Variants in TMCO4 observed in about 807,000 individuals in gnomAD.
TMCO4 encodes the protein transmembrane and coiled-coil domain-containing protein 4.
A neutral mutation model predicts 64.7 loss-of-function variants in TMCO4; 58 were observed. The observed-to-expected ratio is 0.90, with a 90% CI of 0.73 to 1.12. The LOEUF (loss-of-function observed/expected upper bound fraction) is 1.12. Among genes scored for constraint, TMCO4 ranks in the 50% most tolerant of loss-of-function variants. The pLI, the probability that TMCO4 is intolerant of heterozygous loss-of-function variation, is 0.00. For missense variants in TMCO4, 780 were observed against 825.9 expected (o/e 0.94, Z 0.68); for synonymous variants, 325 against 346.1 (o/e 0.94, Z 0.68).
chr1:19,741,652 CTT>C (rs2095479626), intron 10 of TMCO4, among the ~76,000 whole-genome samples: 1 of 152,146 alleles, frequency 6.6e-6, no homozygotes, highest in South Asian at 2.1e-4. Flanking sequence ...ACCTGGCTGC[CTT>C]CAGTATAGGA....
chr1:19,714,085 C>T (rs1180616791), intron 13 of TMCO4, among the ~76,000 whole-genome samples: 1 of 151,146 alleles, frequency 6.6e-6, no homozygotes, highest in Non-Finnish European at 1.5e-5. Context: ...TACAGGCATA[C>T]ACCACCACAT....
At chr1:19,724,005 C>T (rs1373268293) in intron 13 of TMCO4, among the ~76,000 whole-genome samples, 2 of 152,126 alleles carry the variant, frequency 1.3e-5, no homozygotes, top group Admixed American at 6.5e-5. Flanking sequence ...GTCAAGGGTG[C>T]CTGCATTCCC....
intron 7 of TMCO4, among the ~76,000 whole-genome samples, chr1:19,754,384 G>C (rs2042153061): frequency 6.6e-6 from 1 of 152,126 alleles, no homozygotes. Flanking sequence ...ACACAACTCT[G>C]GGAGTCAAAG....
chr1:19,724,095 T>A (rs902231004), intron 13 of TMCO4, among the ~76,000 whole-genome samples: 24 of 152,166 alleles, frequency 1.6e-4, no homozygotes, highest in African/African-American at 5.8e-4. Context: ...CGGCCTTTAG[T>A]TTAGATTAAA....
chr1:19,782,048 A>G (rs2043518147), intron 3 of TMCO4, among the ~76,000 whole-genome samples: 1 of 152,198 alleles, frequency 6.6e-6, no homozygotes, highest in South Asian at 2.1e-4. Context: ...TGTCTTCCCT[A>G]TGCTCTGGCA....
chr1:19,697,906 G>A (rs978123144), intron 14 of TMCO4, among the ~76,000 whole-genome samples: 7 of 151,968 alleles, frequency 4.6e-5, no homozygotes, highest in East Asian at 1.9e-4. Flanking sequence ...GAGCCACTGC[G>A]CCTGTCCTCC....
At chr1:19,740,331 C>A (rs1345870807) in intron 11 of TMCO4, among the ~76,000 whole-genome samples, 2 of 152,176 alleles carry the variant, frequency 1.3e-5, no homozygotes, top group Non-Finnish European at 2.9e-5. Flanking sequence ...TGGATTTGTG[C>A]ACCAGGGCTA....
chr1:19,703,969 A>G, intron 13 of TMCO4, among the ~76,000 whole-genome samples: 1 of 152,190 alleles, frequency 6.6e-6, no homozygotes, highest in South Asian at 2.1e-4. Context: ...GCTGAGCGAC[A>G]CAGGACAGAC....
At chr1:19,717,760 G>C (rs2095363307) in intron 13 of TMCO4, among the ~76,000 whole-genome samples, 2 of 152,162 alleles carry the variant, frequency 1.3e-5, no homozygotes, top group South Asian at 2.1e-4. Context: ...GGAAGGAAAG[G>C]CTCCTCCTTT....
At chr1:19,773,689 T>G (rs1245262287) in intron 4 of TMCO4, among the ~76,000 whole-genome samples, 1 of 152,144 alleles carries the variant, frequency 6.6e-6, no homozygotes, top group African/African-American at 2.4e-5. Context: ...AGTGTCCTTA[T>G]CTGCAAAATG....
Position 19,683,162 on chromosome 1 carries a change from A to T in TMCO4, c.1783T>A (p.Ser595Thr). Residue 595 changes from serine (S) to threonine (T), a missense_variant, in exon 16 of 16, where the codon TCC becomes ACC. Ser to Thr is a moderately conservative substitution (Grantham distance 58, BLOSUM62 1). Coordinates refer to ENST00000294543, the MANE Select transcript of TMCO4 (RefSeq NM_181719.7). The stretch of plus-strand genomic sequence containing the variant: ...TCAGGGCTGGCAGCAGCAGGAAGGG[A>T]GGCCCCTTCAGACTGGTCCAGCCCT... ...PVGLDQSEGA[S>T]LPAAASPERP... 1 of 1,614,136 alleles carries T rather than the reference A, an allele frequency of 6.2e-7. No homozygotes were observed. Among genetic ancestry groups the T allele is most frequent in the South Asian group, 1.1e-5 (1 of 91,086 alleles).
chr1:19,722,425 T>C (rs1317787798), intron 13 of TMCO4, among the ~76,000 whole-genome samples: 2 of 152,244 alleles, frequency 1.3e-5, no homozygotes, highest in African/African-American at 4.8e-5. Context: ...TGCCAGGCTC[T>C]GTGCTAAGAG....
chr1:19,746,550 C>T lies in TMCO4; in HGVS notation c.663G>A (p.Thr221=), dbSNP rs1288999576. The change falls in exon 9 of 16, where the codon ACG becomes ACA. Residue 221 remains threonine (T), a synonymous_variant. Transcript: ENST00000294543. The part of the protein sequence containing the change: ...AAPLVAAGAA[T]IIGSAGAAAL... ...CCGCTGCCCCGGCGCTGCCAATAAT[C>T]GTCGCTGCTCCAGCGGCAACAAGGG... The T allele has an allele frequency of 6.2e-6, 10 of 1,611,152 alleles. No homozygotes were observed. The highest frequency in any genetic ancestry group is 2.7e-5 in the African/African-American group (2 of 74,914).
At chr1:19,783,095 G>A (rs1441191259) in intron 3 of TMCO4, among the ~76,000 whole-genome samples, 1 of 152,230 alleles carries the variant, frequency 6.6e-6, no homozygotes, top group Admixed American at 6.5e-5. Flanking sequence ...TTGGCATGGT[G>A]CCTGGCACAT....
intron 10 of TMCO4, 76 bp downstream of exon 10, chr1:19,745,456 G>A: frequency 6.2e-7 from 1 of 1,604,214 alleles, no homozygotes; most frequent in Non-Finnish European, 8.5e-7. Context: ...CCTAGTGCAG[G>A]TAAAAACCTA....
At chr1:19,778,318 G>C (rs572355544) in intron 4 of TMCO4, among the ~76,000 whole-genome samples, 4 of 151,900 alleles carry the variant, frequency 2.6e-5, no homozygotes, top group Admixed American at 2.6e-4. Context: ...CTGTTGCCCA[G>C]GCTGGAGTGC....
chr1:19,691,814 T>G (rs2095197147), intron 15 of TMCO4, among the ~76,000 whole-genome samples: 1 of 152,222 alleles, frequency 6.6e-6, no homozygotes. Context: ...TCCTATGTGT[T>G]GTGGGAGGGA....
chr1:19,700,804 T>A lies in TMCO4; in HGVS notation c.1346A>T (p.Lys449Met), dbSNP rs554202425. 1.2e-6 allele frequency: 2 copies of A among 1,614,234 alleles called. No homozygotes were observed. The highest frequency in any genetic ancestry group is 4.5e-5 in the East Asian group (2 of 44,886). The change falls in exon 14 of 16, where the codon AAG becomes ATG. Residue 449 changes from lysine to methionine, a missense_variant. Lys to Met is a moderately conservative substitution (Grantham distance 95). Transcript: ENST00000294543. Reference protein sequence around the residue: ...GEAKHWEPFRKVVSGRIINGY... With the variant: ...GEAKHWEPFRMVVSGRIINGY... ...GTTGATGATCCTCCCGGACACCACC[T>A]TCCGGAAAGGCTCCCAATGCTTGGC... is the stretch of plus-strand genomic sequence containing the variant.
chr1:19,708,834 G>C (rs549777898), intron 13 of TMCO4, among the ~76,000 whole-genome samples: 2 of 152,314 alleles, frequency 1.3e-5, no homozygotes, highest in Admixed American at 1.3e-4. Flanking sequence ...AAAGACCAAA[G>C]AATCACAAGT....
Sources: gnomAD v4.1 joint callset for allele counts (sites outside exome capture counted in the v4.1 genomes callset) on GRCh38, gnomAD v4.1.1 for gene constraint, MANE v1.5 for transcripts, NCBI Gene and HGNC (gene_info 2026-07-23, HGNC 2026-07-21) for gene names.